The following CDH12 variants were observed in gnomAD, a reference collection of about 807,000 sequenced individuals.
CDH12 encodes cadherin 12, also known as cadherin-12.
Under a neutral mutation model 74.1 loss-of-function variants are expected in CDH12, and 41 were observed. That is an observed-to-expected ratio of 0.55 (90% CI 0.43 to 0.72). The LOEUF (loss-of-function observed/expected upper bound fraction) is 0.72. CDH12 is among the 30% of genes least tolerant of loss of function. The pLI is 0.00. For synonymous variants in CDH12, 399 were observed against 355.0 expected (o/e 1.12, Z -1.39); for missense variants, 945 against 977.2 (o/e 0.97, Z 0.44).
At chr5:22,238,258 A>G (rs1428757166) in intron 3 of CDH12, among the ~76,000 whole-genome samples, 4 of 152,200 alleles carry the variant, frequency 2.6e-5, no homozygotes, top group Non-Finnish European at 5.9e-5. Flanking sequence ...ATTGCCATTT[A>G]TCACCTCTAT....
At chr5:22,230,235 C>T (rs900611760) in intron 3 of CDH12, among the ~76,000 whole-genome samples, 2 of 151,948 alleles carry the variant, frequency 1.3e-5, no homozygotes, top group South Asian at 2.1e-4. Flanking sequence ...TTATTCCGCA[C>T]GTTTTAAGGA....
At chr5:21,920,010 T>G (rs576864552) in intron 6 of CDH12, among the ~76,000 whole-genome samples, 90 of 152,300 alleles carry the variant, frequency 5.9e-4, no homozygotes, top group African/African-American at 2.0e-3. Flanking sequence ...GAATATAAAT[T>G]ACTCATTTTA....
At chr5:22,001,356 G>A (rs1736591470) in intron 5 of CDH12, among the ~76,000 whole-genome samples, 1 of 151,990 alleles carries the variant, frequency 6.6e-6, no homozygotes, top group South Asian at 2.1e-4. Context: ...TATCATCAAT[G>A]GCTGTATTTT....
At chr5:22,270,582 G>A (rs1736348820) in intron 3 of CDH12, among the ~76,000 whole-genome samples, 2 of 130,154 alleles carry the variant, frequency 1.5e-5, no homozygotes, top group Admixed American at 7.8e-5. Context: ...GCGGCAGGGT[G>A]AGACACCGTC....
chr5:21,834,621 T>A (rs909339172), intron 8 of CDH12, among the ~76,000 whole-genome samples: 1 of 151,944 alleles, frequency 6.6e-6, no homozygotes, highest in Non-Finnish European at 1.5e-5. Flanking sequence ...GCACCAGTAC[T>A]ACACTTTAGA....
At chr5:22,287,245 G>A (rs1737180538) in intron 3 of CDH12, among the ~76,000 whole-genome samples, 1 of 151,950 alleles carries the variant, frequency 6.6e-6, no homozygotes, top group South Asian at 2.1e-4. Context: ...TGATTGTTTT[G>A]GTTTCTTTTA....
rs1302966855 is a variant in CDH12 at position 21,854,743 on chromosome 5, A to T, written c.574T>A (p.Tyr192Asn). The change falls in exon 7 of 15, where the codon TAT becomes AAT. Residue 192 changes from tyrosine (Y) to asparagine (N), a missense_variant. This residue lies in a region of CDH12 where 791 missense variants were observed against 792.8 expected (regional missense o/e 1.00). Coordinates refer to ENST00000382254, the MANE Select transcript of CDH12 (RefSeq NM_004061.5). ...VKATDADDPT[Y>N]GNSARVVYSI... is the part of the protein sequence containing the mutation. Reference sequence around the variant, plus strand: ...TAAACGACTCTGGCACTGTTTCCATAGGTCGGGTCATCTGCATCTGTGGCC... The same window carrying T: ...TAAACGACTCTGGCACTGTTTCCATTGGTCGGGTCATCTGCATCTGTGGCC... The T allele has an allele frequency of 1.2e-6, 2 of 1,609,410 alleles. No individual in the cohort carries two copies. The highest frequency in any genetic ancestry group is 1.7e-5 in the Admixed American group (1 of 59,676).
At chr5:21,766,363 A>G (rs1320224885) in intron 11 of CDH12, among the ~76,000 whole-genome samples, 1 of 152,006 alleles carries the variant, frequency 6.6e-6, no homozygotes, top group Non-Finnish European at 1.5e-5. Context: ...TATAAAAGGT[A>G]GATTAATAAT....
intron 1 of CDH12, among the ~76,000 whole-genome samples, chr5:22,694,176 C>A (rs1742231109): frequency 6.6e-6 from 1 of 152,006 alleles, no homozygotes; most frequent in Admixed American, 6.6e-5. Context: ...CAATATAAAA[C>A]AATAATATGA....
At chr5:22,724,889 A>G (rs747436615) in intron 1 of CDH12, among the ~76,000 whole-genome samples, 3 of 151,812 alleles carry the variant, frequency 2.0e-5, no homozygotes, top group Non-Finnish European at 4.4e-5. Context: ...AAATTTCTAT[A>G]TAAATTAAAA....
At chr5:21,943,918 TA>T (rs1285205841) in intron 6 of CDH12, among the ~76,000 whole-genome samples, 1 of 152,108 alleles carries the variant, frequency 6.6e-6, no homozygotes, top group Non-Finnish European at 1.5e-5. Flanking sequence ...GCAGATCACA[TA>T]AATCTATCCC....
chr5:22,062,616 T>C (rs1176185823), intron 5 of CDH12, among the ~76,000 whole-genome samples: 2 of 152,116 alleles, frequency 1.3e-5, no homozygotes, highest in Admixed American at 6.6e-5. Context: ...GGCAGCAGAA[T>C]GGATCAGAAA....
chr5:21,821,681 C>T (rs1450462572), intron 8 of CDH12, among the ~76,000 whole-genome samples: 3 of 151,816 alleles, frequency 2.0e-5, no homozygotes, highest in Non-Finnish European at 2.9e-5. Context: ...AAATGTTAAA[C>T]ATTTTTAAAA....
intron 6 of CDH12, among the ~76,000 whole-genome samples, chr5:21,940,231 A>G: frequency 6.6e-6 from 1 of 152,086 alleles, no homozygotes; most frequent in Non-Finnish European, 1.5e-5. Flanking sequence ...CATCTCAAAA[A>G]AAAAGAAAAG....
intron 3 of CDH12, among the ~76,000 whole-genome samples, chr5:22,284,202 T>C (rs1476352042): frequency 6.6e-6 from 1 of 152,176 alleles, no homozygotes; most frequent in African/African-American, 2.4e-5. Context: ...TTTAAAAAGA[T>C]GATACGAGAA....
At chr5:21,923,452 C>T (rs866167002) in intron 6 of CDH12, among the ~76,000 whole-genome samples, 2 of 152,164 alleles carry the variant, frequency 1.3e-5, no homozygotes, top group Non-Finnish European at 2.9e-5. Context: ...TCCATCCCTA[C>T]CACATCTCAG....
chr5:21,867,492 C>T (rs1751393217), intron 6 of CDH12, among the ~76,000 whole-genome samples: 1 of 152,210 alleles, frequency 6.6e-6, no homozygotes, highest in Non-Finnish European at 1.5e-5. Flanking sequence ...CCATGGGAAC[C>T]CACTTCTTGC....
chr5:22,508,994 T>C (rs977482663), intron 1 of CDH12, among the ~76,000 whole-genome samples: 1 of 152,158 alleles, frequency 6.6e-6, no homozygotes, highest in Non-Finnish European at 1.5e-5. Flanking sequence ...AACCAACTTA[T>C]AGATCTACTT....
chr5:22,727,679 A>C lies in CDH12; in HGVS notation c.-523+125379T>G, dbSNP rs147927752. On this transcript the variant is annotated intron_variant, in intron 1 of 14. Coordinates refer to ENST00000382254, the MANE Select transcript of CDH12 (RefSeq NM_004061.5). ...TTTTCTTCTGCCTGAAAATGTTTTGATTTCACTTTTATTCTTGGAGGATAT... is the reference window on the plus strand; with the variant it reads ...TTTTCTTCTGCCTGAAAATGTTTTGCTTTCACTTTTATTCTTGGAGGATAT... Among the ~76,000 whole-genome samples, 193 of 151,132 alleles carry C rather than the reference A, an allele frequency of 1.3e-3. 2 individuals are homozygous for C. Among genetic ancestry groups the C allele is most frequent in the African/African-American group, 4.5e-3 (187 of 41,228 alleles).
Sources: gnomAD v4.1 joint callset for allele counts (sites outside exome capture counted in the v4.1 genomes callset) on GRCh38, gnomAD v4.1.1 for gene constraint, gnomAD v4.1.1 regional missense constraint, MANE v1.5 for transcripts, NCBI Gene and HGNC (gene_info 2026-07-23, HGNC 2026-07-21) for gene names.